Variants in CNTNAP2 observed in about 807,000 individuals in gnomAD.
CNTNAP2 encodes the protein contactin-associated protein-like 2.
CNTNAP2 carries 98 observed loss-of-function variants against 155.2 expected under a neutral mutation model. The ratio of observed to expected loss-of-function variants is 0.63; its 90% confidence interval spans 0.54 to 0.75. The LOEUF (loss-of-function observed/expected upper bound fraction) is 0.75, where lower values mean the gene tolerates loss of function less well. Among genes scored for constraint, CNTNAP2 ranks in the 30% least tolerant of loss-of-function variants. The pLI is 0.00. For synonymous variants in CNTNAP2, 651 were observed against 631.2 expected (o/e 1.03, Z -0.47); for missense variants, 1,727 against 1,688.1 (o/e 1.02, Z -0.40).
chr7:147,206,120 T>C (rs1803018246), intron 8 of CNTNAP2, among the ~76,000 whole-genome samples: 1 of 152,052 alleles, frequency 6.6e-6, no homozygotes, highest in East Asian at 1.9e-4. Flanking sequence ...TAATAAAGAC[T>C]AATGTAGAAA....
intron 15 of CNTNAP2, among the ~76,000 whole-genome samples, chr7:148,059,319 G>C (rs56409871): frequency 6.6e-6 from 1 of 151,676 alleles, no homozygotes; most frequent in Non-Finnish European, 1.5e-5. Flanking sequence ...GGTCTGGCAC[G>C]GTGGCTCACA....
At chr7:147,256,273 C>T (rs181171107) in intron 8 of CNTNAP2, among the ~76,000 whole-genome samples, 3 of 152,106 alleles carry the variant, frequency 2.0e-5, no homozygotes, top group Non-Finnish European at 2.9e-5. Context: ...TGAGATCTTT[C>T]GATTCCCAGA....
At chr7:147,710,828 G>A (rs545490091) in intron 13 of CNTNAP2, among the ~76,000 whole-genome samples, 1 of 152,180 alleles carries the variant, frequency 6.6e-6, no homozygotes, top group East Asian at 1.9e-4. Context: ...CTGTGGTTGT[G>A]GACATGCTTC....
At chr7:148,409,943 C>T (rs1303860691) in intron 23 of CNTNAP2, among the ~76,000 whole-genome samples, 4 of 89,688 alleles carry the variant, frequency 4.5e-5, no homozygotes, top group Admixed American at 3.5e-4. Context: ...CCCAGCTACT[C>T]AGGAGGCTGA....
At chr7:146,681,770 A>G (rs764293589) in intron 1 of CNTNAP2, among the ~76,000 whole-genome samples, 16 of 152,140 alleles carry the variant, frequency 1.1e-4, no homozygotes, top group Admixed American at 8.5e-4. Flanking sequence ...CCCTGAACAT[A>G]AAATAAAGGT....
At chr7:148,281,065 A>G (rs1796966527) in intron 21 of CNTNAP2, among the ~76,000 whole-genome samples, 1 of 152,204 alleles carries the variant, frequency 6.6e-6, no homozygotes, top group Non-Finnish European at 1.5e-5. Context: ...CGTGAGGGAC[A>G]GGAGAGGGAC....
intron 3 of CNTNAP2, among the ~76,000 whole-genome samples, chr7:146,859,865 G>A (rs1372041403): frequency 6.6e-6 from 1 of 152,088 alleles, no homozygotes; most frequent in Non-Finnish European, 1.5e-5. Context: ...AAAAGGAAAT[G>A]TCTAAATTCA....
chr7:147,421,740 A>G (rs78355037), intron 10 of CNTNAP2, among the ~76,000 whole-genome samples: 8,310 of 152,122 alleles, frequency 0.055, 250 homozygotes, highest in South Asian at 0.11. Flanking sequence ...TGTTTGGGTC[A>G]CGGGGGTGGA....
intron 9 of CNTNAP2, among the ~76,000 whole-genome samples, chr7:147,348,025 T>G (rs909310295): frequency 2.0e-5 from 3 of 151,906 alleles, no homozygotes; most frequent in Non-Finnish European, 4.4e-5. Context: ...TAATCAACTC[T>G]AAATGGATCA....
intron 21 of CNTNAP2, among the ~76,000 whole-genome samples, chr7:148,359,252 A>G (rs1247783832): frequency 1.3e-5 from 2 of 152,224 alleles, no homozygotes; most frequent in African/African-American, 4.8e-5. Context: ...TCCCACAATA[A>G]CAAAGTTGCC....
chr7:147,065,885 A>C (rs1055242205), intron 4 of CNTNAP2, among the ~76,000 whole-genome samples: 5 of 152,184 alleles, frequency 3.3e-5, no homozygotes, highest in Non-Finnish European at 7.3e-5. Context: ...TATTAAAATT[A>C]GGAGTTTTAA....
At chr7:147,402,963 A>AC (rs1796943136) in intron 10 of CNTNAP2, among the ~76,000 whole-genome samples, 1 of 147,406 alleles carries the variant, frequency 6.8e-6, no homozygotes, top group Non-Finnish European at 1.5e-5. Context: ...AAAAAAAAAA[A>AC]AAAAAAAACT....
chr7:146,442,707 T>A (rs920864962), intron 1 of CNTNAP2, among the ~76,000 whole-genome samples: 1 of 152,122 alleles, frequency 6.6e-6, no homozygotes, highest in Non-Finnish European at 1.5e-5. Flanking sequence ...ATTTTTGTGG[T>A]ATCGTACTAG....
intron 1 of CNTNAP2, among the ~76,000 whole-genome samples, chr7:146,438,707 A>G (rs1796277993): frequency 6.6e-6 from 1 of 151,688 alleles, no homozygotes; most frequent in African/African-American, 2.4e-5. Context: ...TCTTTTACTC[A>G]TAATTGAACA....
chr7:147,422,220 C>T (rs1797305724), intron 10 of CNTNAP2, among the ~76,000 whole-genome samples: 1 of 145,406 alleles, frequency 6.9e-6, no homozygotes, highest in African/African-American at 2.6e-5. Context: ...AATATATATA[C>T]TGTATATATA....
intron 20 of CNTNAP2, among the ~76,000 whole-genome samples, chr7:148,246,837 G>A (rs932690727): frequency 5.3e-5 from 8 of 152,110 alleles, no homozygotes; most frequent in African/African-American, 1.7e-4. Flanking sequence ...CACAAGATTA[G>A]GCTACAGTGA....
intron 8 of CNTNAP2, among the ~76,000 whole-genome samples, chr7:147,143,595 G>A (rs1372989373): frequency 2.0e-5 from 3 of 151,848 alleles, no homozygotes; most frequent in Non-Finnish European, 4.4e-5. Flanking sequence ...CTGATACCAA[G>A]ATGTTATAAA....
intron 21 of CNTNAP2, among the ~76,000 whole-genome samples, chr7:148,354,862 C>T (rs1798485186): frequency 1.3e-5 from 2 of 152,154 alleles, no homozygotes; most frequent in African/African-American, 2.4e-5. Context: ...CTAGCACACA[C>T]CCCACCCTGG....
At chr7:147,218,432 T>C (rs1016768353) in intron 8 of CNTNAP2, among the ~76,000 whole-genome samples, 4 of 152,118 alleles carry the variant, frequency 2.6e-5, no homozygotes, top group African/African-American at 9.6e-5. Context: ...TTAATCTCCA[T>C]GTATTTTAAT....
Sources: gnomAD v4.1 joint callset for allele counts (sites outside exome capture counted in the v4.1 genomes callset) on GRCh38, gnomAD v4.1.1 for gene constraint, MANE v1.5 for transcripts, NCBI Gene and HGNC (gene_info 2026-07-23, HGNC 2026-07-21) for gene names.